The following NALF1 variants were observed in gnomAD, a reference collection of about 807,000 sequenced individuals.
NALF1 encodes the protein family with sequence similarity 155 member A.
Under a neutral mutation model 48.4 loss-of-function variants are expected in NALF1, and 3 were observed. The ratio of observed to expected loss-of-function variants is 0.06; its 90% CI spans 0.03 to 0.16. The LOEUF (loss-of-function observed/expected upper bound fraction) is 0.16, where lower values mean the gene tolerates loss of function less well. Ranked by LOEUF, NALF1 falls within the 10% of genes least tolerant of loss-of-function variation. NALF1 has a pLI of 1.00. For missense variants in NALF1, 526 were observed against 571.5 expected (o/e 0.92, Z 0.81); for synonymous variants, 262 against 245.7 (o/e 1.07, Z -0.62).
At chr13:107,262,848 G>T (rs2138855875) in intron 1 of NALF1, among the ~76,000 whole-genome samples, 1 of 150,994 alleles carries the variant, frequency 6.6e-6, no homozygotes, top group South Asian at 2.1e-4. Flanking sequence ...AACAGATCAT[G>T]GAAATCAAGG....
chr13:107,172,618 C>T (rs1353177651), intron 2 of NALF1, among the ~76,000 whole-genome samples: 1 of 152,110 alleles, frequency 6.6e-6, no homozygotes, highest in African/African-American at 2.4e-5. Context: ...AGGTCTTCAG[C>T]TCTGACATTT....
At chr13:107,615,831 T>C (rs1345152483) in intron 1 of NALF1, among the ~76,000 whole-genome samples, 2 of 152,226 alleles carry the variant, frequency 1.3e-5, no homozygotes, top group South Asian at 2.1e-4. Flanking sequence ...AGCAGCAATA[T>C]GGTATCTGCT....
chr13:107,769,941 C>G (rs913948691), intron 1 of NALF1, among the ~76,000 whole-genome samples: 4 of 152,138 alleles, frequency 2.6e-5, no homozygotes, highest in African/African-American at 9.7e-5. Context: ...GAGACGGAGT[C>G]TCGCTCTGTC....
chr13:107,424,728 T>C (rs1475550323), intron 1 of NALF1, among the ~76,000 whole-genome samples: 1 of 152,202 alleles, frequency 6.6e-6, no homozygotes, highest in Non-Finnish European at 1.5e-5. Flanking sequence ...GGAGAGATAC[T>C]TGATATTTAT....
At chr13:107,259,283 A>G (rs1001121131) in intron 1 of NALF1, among the ~76,000 whole-genome samples, 6 of 152,132 alleles carry the variant, frequency 3.9e-5, no homozygotes, top group Non-Finnish European at 5.9e-5. Flanking sequence ...ACTATTTTCT[A>G]TAACTTTACC....
chr13:107,389,816 A>C (rs1474736797), intron 1 of NALF1, among the ~76,000 whole-genome samples: 2 of 152,208 alleles, frequency 1.3e-5, no homozygotes, highest in Non-Finnish European at 2.9e-5. Flanking sequence ...TATTGAAAGA[A>C]TAAATTGTTT....
intron 1 of NALF1, among the ~76,000 whole-genome samples, chr13:107,541,592 T>C (rs1877001039): frequency 6.6e-6 from 1 of 152,094 alleles, no homozygotes; most frequent in Admixed American, 6.6e-5. Context: ...TAAATGCATA[T>C]AGCTTTATAT....
chr13:107,474,269 C>A (rs1331024287), intron 1 of NALF1, among the ~76,000 whole-genome samples: 1 of 152,110 alleles, frequency 6.6e-6, no homozygotes, highest in African/African-American at 2.4e-5. Flanking sequence ...AATGTTACAG[C>A]CAAATACTAA....
At chr13:107,245,703 A>G (rs532593844) in intron 1 of NALF1, among the ~76,000 whole-genome samples, 1 of 152,330 alleles carries the variant, frequency 6.6e-6, no homozygotes, top group South Asian at 2.1e-4. Flanking sequence ...ATATTGTTCA[A>G]TTGTTTTTTC....
At chr13:107,272,024 G>A (rs1382962059) in intron 1 of NALF1, among the ~76,000 whole-genome samples, 2 of 151,376 alleles carry the variant, frequency 1.3e-5, no homozygotes. Flanking sequence ...GGGTTTTAGA[G>A]AGAAAGTGTA....
intron 2 of NALF1, among the ~76,000 whole-genome samples, chr13:107,203,404 C>T (rs903557110): frequency 1.3e-5 from 2 of 152,324 alleles, no homozygotes; most frequent in Non-Finnish European, 2.9e-5. Context: ...AAGAGACTCA[C>T]CAGCTCAGCA....
At chr13:107,655,358 A>G (rs1880549289) in intron 1 of NALF1, among the ~76,000 whole-genome samples, 2 of 152,182 alleles carry the variant, frequency 1.3e-5, no homozygotes. Context: ...TTAATCACCA[A>G]CAGTGACCAA....
At chr13:107,726,792 G>C (rs1029807486) in intron 1 of NALF1, among the ~76,000 whole-genome samples, 3 of 151,948 alleles carry the variant, frequency 2.0e-5, no homozygotes, top group Admixed American at 6.6e-5. Flanking sequence ...TGTATTTTTA[G>C]TAGAAATGAG....
intron 1 of NALF1, among the ~76,000 whole-genome samples, chr13:107,596,438 T>G (rs1191281607): frequency 6.6e-6 from 1 of 152,064 alleles, no homozygotes; most frequent in Non-Finnish European, 1.5e-5. Flanking sequence ...TCATCAATGA[T>G]AGATTGGATA....
At chr13:107,312,183 C>A (rs1882059007) in intron 1 of NALF1, among the ~76,000 whole-genome samples, 1 of 152,076 alleles carries the variant, frequency 6.6e-6, no homozygotes, top group Non-Finnish European at 1.5e-5. Context: ...AAATGTCCAA[C>A]AATGATAGAC....
intron 1 of NALF1, among the ~76,000 whole-genome samples, chr13:107,657,497 A>G (rs1166354706): frequency 6.6e-6 from 1 of 152,126 alleles, no homozygotes; most frequent in Non-Finnish European, 1.5e-5. Context: ...TTTGGGGAAC[A>G]AACAGCCTGA....
intron 1 of NALF1, among the ~76,000 whole-genome samples, chr13:107,388,027 G>T (rs1342559567): frequency 6.6e-6 from 1 of 152,156 alleles, no homozygotes; most frequent in Non-Finnish European, 1.5e-5. Context: ...GTGAATGTTT[G>T]TAGAATGTCA....
intron 1 of NALF1, among the ~76,000 whole-genome samples, chr13:107,299,823 C>T (rs895029826): frequency 5.9e-5 from 9 of 152,052 alleles, no homozygotes; most frequent in African/African-American, 2.2e-4. Context: ...CCTACTTTGT[C>T]CCTGGGAATT....
intron 1 of NALF1, among the ~76,000 whole-genome samples, chr13:107,711,601 G>A (rs1875594409): frequency 6.6e-6 from 1 of 152,180 alleles, no homozygotes; most frequent in Admixed American, 6.5e-5. Context: ...CATTTGCAAA[G>A]GAAGAACCAG....
Sources: allele counts gnomAD v4.1 joint callset (sites outside exome capture counted in the v4.1 genomes callset), GRCh38; gene constraint gnomAD v4.1.1; transcripts MANE v1.5; gene names NCBI Gene and HGNC (gene_info 2026-07-23, HGNC 2026-07-21).